SPDYE16: variants seen among roughly 807,000 people sequenced by gnomAD.
SPDYE16 encodes the protein speedy/RINGO cell cycle regulator family member E16.
In SPDYE16, 5 loss-of-function variants were observed where a neutral mutation model predicts 40.1. That is an observed-to-expected ratio of 0.12 (90% CI 0.07 to 0.26). The LOEUF is 0.26. Among genes scored for constraint, SPDYE16 ranks in the 10% least tolerant of loss-of-function variants. The pLI is 1.00. For missense variants in SPDYE16, 98 were observed against 409.8 expected (o/e 0.24, Z 6.57); for synonymous variants, 40 against 154.2 (o/e 0.26, Z 5.49).
Position 76,541,524 on chromosome 7 carries a change from G to T in SPDYE16, c.-65C>A. The T allele has an allele frequency of 6.5e-7, 1 of 1,531,706 alleles. No homozygotes were observed. The highest frequency in any genetic ancestry group is 8.7e-7 in the Non-Finnish European group (1 of 1,145,212). 94.9% of individuals were successfully genotyped at this position (1,531,706 alleles called of 1,614,324 possible). On this transcript the variant is annotated 5_prime_UTR_variant, in exon 2 of 9. Transcript: ENST00000633306. ...TTATCAATTCTCAAGCCTAGGAGAA[G>T]TCAGGAGTGGAGAACAGCTCTGAGA... is the stretch of plus-strand genomic sequence containing the variant.
Position 76,531,904 on chromosome 7 carries a change from T to A in SPDYE16, c.*936A>T, listed in dbSNP as rs2149611. 4 of 82,120 alleles carry A rather than the reference T, an allele frequency of 4.9e-5. 1 individual carries two copies. The highest frequency in any genetic ancestry group is 3.5e-4 in the Admixed American group (3 of 8,572). The allele number at this position is 82,120 out of a possible 1,614,324, so 5.1% of individuals were successfully genotyped here. On this transcript the variant is annotated 3_prime_UTR_variant, in exon 9 of 9. Transcript: ENST00000633306. ...ATGTTTTTCAAAATAAACCAATAAA[T>A]TAGATAGTATATATTAGACGTGTTA...
rs1345129548 is a variant in SPDYE16 at position 76,534,571 on chromosome 7, C to G, written c.756-452G>C. Among the ~76,000 whole-genome samples, 11 of 104,814 alleles carry G rather than the reference C, an allele frequency of 1.0e-4. 2 individuals carry two copies. The highest frequency in any genetic ancestry group is 2.2e-4 in the African/African-American group (5 of 22,672). The allele number at this position is 104,814 out of a possible 152,430, so 68.8% of individuals were successfully genotyped here. On this transcript the variant is annotated intron_variant, in intron 6 of 8. Transcript: ENST00000633306. ...AGGAGTTGGAGACCAGCCTGGTCAA[C>G]ACGGAGAAACCCCATCTCTACTAAA... is the stretch of plus-strand genomic sequence containing the variant.
At chr7:76,537,645 A>C in intron 4 of SPDYE16, 94 bp from the exon 5 acceptor site, 1 of 870,184 alleles carries the variant, frequency 1.1e-6, no homozygotes, top group Non-Finnish European at 1.5e-6. Flanking sequence ...CCCGGGGGGA[A>C]AGTCTCAGGA....
intron 1 of SPDYE16, among the ~76,000 whole-genome samples, chr7:76,542,102 T>G: frequency 6.6e-6 from 1 of 151,942 alleles, no homozygotes; most frequent in Non-Finnish European, 1.5e-5. Context: ...AGAGTGAGAT[T>G]ATCATGTACA....
rs372013606 is a variant in SPDYE16, at chr7:76,531,915, A to G, written c.*925T>C. ...AATAAACCAATAAATTAGATAGTAT[A>G]TATTAGACGTGTTAGTATATATATC... On this transcript the variant is annotated 3_prime_UTR_variant, in exon 9 of 9. Transcript: ENST00000633306. 6.1e-5 allele frequency: 5 copies of G among 82,144 alleles called. 2 individuals are homozygous for G. Among genetic ancestry groups the G allele is most frequent in the African/African-American group, 1.3e-4 (2 of 14,968 alleles). 5.1% of individuals were successfully genotyped at this position (82,144 alleles called of 1,614,324 possible).
At chr7:76,541,168 T>G in intron 2 of SPDYE16, 132 bp downstream of exon 2, 3 of 1,374,754 alleles carry the variant, frequency 2.2e-6, no homozygotes, top group Non-Finnish European at 2.9e-6. Context: ...GGCCTTGAAC[T>G]CCTGACCTCA....
Position 76,532,765 on chromosome 7 carries a change from A to C in SPDYE16, c.*75T>G, listed in dbSNP as rs1480719216. The C allele has an allele frequency of 1.8e-6, 1 of 540,636 alleles. No individual in the cohort carries two copies. Among genetic ancestry groups the C allele is most frequent in the Non-Finnish European group, 2.3e-6 (1 of 435,668 alleles). 33.5% of individuals were successfully genotyped at this position (540,636 alleles called of 1,614,324 possible). A position where few individuals can be genotyped will look rare whatever the true frequency, so the allele number is the denominator to read the frequency against. On this transcript the variant is annotated 3_prime_UTR_variant, in exon 9 of 9. Transcript: ENST00000633306. ...TAGCATTGGAATAAAGTTCCTGCTG[A>C]AAATCCACATCTCCCGTGGGTCCGG...
In SPDYE16 at chr7:76,541,718, A is replaced by G. The variant is rs1192241002; in HGVS notation, c.-259T>C. Among the ~76,000 whole-genome samples the G allele has an allele frequency of 3.4e-5, 5 of 145,562 alleles. No homozygotes were observed. The highest frequency in any genetic ancestry group is 1.0e-4 in the African/African-American group (4 of 39,382). On this transcript the variant is annotated 5_prime_UTR_variant, in exon 2 of 9. Transcript: ENST00000633306. ...GTCCTGGAGATCCTGGGTGAATGGTATCTCCTGCCACTGTCCCAACCTCAG... is the reference window on the plus strand; with the variant it reads ...GTCCTGGAGATCCTGGGTGAATGGTGTCTCCTGCCACTGTCCCAACCTCAG...
Position 76,541,643 on chromosome 7 carries a change from C to G in SPDYE16, c.-184G>C, listed in dbSNP as rs1303063418. Among the ~76,000 whole-genome samples, 3 of 148,228 alleles carry G rather than the reference C, an allele frequency of 2.0e-5. No individual in the cohort carries two copies. The highest frequency in any genetic ancestry group is 7.5e-5 in the African/African-American group (3 of 39,878). On this transcript the variant is annotated 5_prime_UTR_variant, in exon 2 of 9. Transcript: ENST00000633306. ...CTCTGATGTCATCGTTCATGCCAAC[C>G]TGGCAACCAGTTTGAAAAAAAACAC... is the stretch of plus-strand genomic sequence containing the variant.
At chr7:76,535,209 T>G (rs1813013291) in intron 6 of SPDYE16, among the ~76,000 whole-genome samples, 1 of 98,520 alleles carries the variant, frequency 1.0e-5, no homozygotes. Flanking sequence ...TGGAGGGCAT[T>G]TGGAAGGAGC....
chr7:76,538,475 G>T, intron 4 of SPDYE16, 111 bp downstream of exon 4: 3 of 685,384 alleles, frequency 4.4e-6, no homozygotes, highest in Non-Finnish European at 7.1e-6. Flanking sequence ...CTCCCACATG[G>T]AGAGCTCACC....
chr7:76,539,764 A>G lies in SPDYE16; in HGVS notation c.379+364T>C, dbSNP rs1813130631. 1.8e-5 allele frequency among the ~76,000 whole-genome samples: 2 copies of G among 112,950 alleles called. 1 individual carries two copies. Among genetic ancestry groups the G allele is most frequent in the South Asian group, 5.5e-4 (2 of 3,618 alleles). The allele number at this position is 112,950 out of a possible 152,430, so 74.1% of individuals were successfully genotyped here. A position where few individuals can be genotyped will look rare whatever the true frequency, so the allele number is the denominator to read the frequency against. On this transcript the variant is annotated intron_variant, in intron 3 of 8. Transcript: ENST00000633306. ...CCGGCCTTCGTTTTTCTTTTGACAC[A>G]GGGTTTTGCTCTGTCACCCAGGCTG...
At chr7:76,540,974 CT>C (rs1292373639) in intron 2 of SPDYE16, among the ~76,000 whole-genome samples, 26,364 of 112,060 alleles carry the variant, frequency 0.24, 2,619 homozygotes, top group East Asian at 0.4. Context: ...CTTTTCTTTT[CT>C]TTTTTTTTTT....
chr7:76,538,305 A>G lies in SPDYE16; in HGVS notation c.610+281T>C, dbSNP rs577834462. On this transcript the variant is annotated intron_variant, in intron 4 of 8. Transcript: ENST00000633306. ...AGCCTCAAAGTCCTGAGTTCAAGCA[A>G]TCCTCTTGCCTCAGCCTCCCAACGT... 4.2e-3 allele frequency among the ~76,000 whole-genome samples: 345 copies of G among 82,818 alleles called. 13 individuals are homozygous for G. Among genetic ancestry groups the G allele is most frequent in the African/African-American group, 0.022 (333 of 15,050 alleles). The allele number at this position is 82,818 out of a possible 152,430, so 54.3% of individuals were successfully genotyped here. A position where few individuals can be genotyped will look rare whatever the true frequency, so the allele number is the denominator to read the frequency against.
At position 76,531,318 on chromosome 7, in the gene SPDYE16, G is replaced by A. The variant is rs3972901; in HGVS notation, c.*1522C>T. On this transcript the variant is annotated 3_prime_UTR_variant, in exon 9 of 9. Transcript: ENST00000633306. ...ATCAATCCAGACCAATATGATCACAGTTGCTGTGAAGGTGAGAAAAGTTCA... is the reference window on the plus strand; with the variant it reads ...ATCAATCCAGACCAATATGATCACAATTGCTGTGAAGGTGAGAAAAGTTCA... 4 of 121,490 alleles carry A rather than the reference G, an allele frequency of 3.3e-5. No homozygotes were observed. The highest frequency in any genetic ancestry group is 8.5e-5 in the Admixed American group (1 of 11,778). 7.5% of individuals were successfully genotyped at this position (121,490 alleles called of 1,614,324 possible).
At position 76,541,176 on chromosome 7, in the gene SPDYE16, T is replaced by G. The variant is rs538609050; in HGVS notation, c.160+124A>C. On this transcript the variant is annotated intron_variant, in intron 2 of 8. Transcript: ENST00000633306. ...CCAGGCTGGCCTTGAACTCCTGACCTCAGGTGATCCGCCCGCCTCAGCCTC... is the reference window on the plus strand; with the variant it reads ...CCAGGCTGGCCTTGAACTCCTGACCGCAGGTGATCCGCCCGCCTCAGCCTC... The G allele has an allele frequency of 3.1e-5, 43 of 1,409,262 alleles. No individual in the cohort carries two copies. In the Admixed American group the frequency reaches 1.0e-3, roughly 33 times the overall value. The allele number at this position is 1,409,262 out of a possible 1,614,324, so 87.3% of individuals were successfully genotyped here.
At position 76,541,465 on chromosome 7, in the gene SPDYE16, T is replaced by C. The variant is rs1167080137; in HGVS notation, c.-6A>G. 6.5e-6 allele frequency: 10 copies of C among 1,534,324 alleles called. No individual in the cohort carries two copies. Among genetic ancestry groups the C allele is most frequent in the African/African-American group, 2.8e-5 (2 of 72,686 alleles). Reference sequence around the variant, plus strand: ...CTAGTCTCCGTTCTGTCCATGGCCTTCTTCTGGACACTGCTAGGATCCAGA... The same window carrying C: ...CTAGTCTCCGTTCTGTCCATGGCCTCCTTCTGGACACTGCTAGGATCCAGA... On this transcript the variant is annotated 5_prime_UTR_variant, in exon 2 of 9. Transcript: ENST00000633306.
intron 6 of SPDYE16, among the ~76,000 whole-genome samples, chr7:76,534,343 G>A (rs1413700632): frequency 1.1e-5 from 1 of 87,170 alleles, no homozygotes; most frequent in Admixed American, 1.1e-4. Flanking sequence ...TGGTGGCCGA[G>A]AGTGGTGGCT....
Position 76,541,464 on chromosome 7 carries a change from T to G in SPDYE16, c.-5A>C, listed in dbSNP as rs1480681448. The G allele has an allele frequency of 5.9e-6, 9 of 1,534,316 alleles. No homozygotes were observed. The highest frequency in any genetic ancestry group is 2.8e-5 in the African/African-American group (2 of 72,690). ...CCTAGTCTCCGTTCTGTCCATGGCCTTCTTCTGGACACTGCTAGGATCCAG... is the reference window on the plus strand; with the variant it reads ...CCTAGTCTCCGTTCTGTCCATGGCCGTCTTCTGGACACTGCTAGGATCCAG... On this transcript the variant is annotated 5_prime_UTR_variant, in exon 2 of 9. Transcript: ENST00000633306.
Sources: gnomAD v4.1 joint callset for allele counts (sites outside exome capture counted in the v4.1 genomes callset) on GRCh38, gnomAD v4.1.1 for gene constraint, MANE v1.5 for transcripts, NCBI Gene and HGNC (gene_info 2026-07-23, HGNC 2026-07-21) for gene names.